The following CECR2 variants were observed in gnomAD, a reference collection of about 807,000 sequenced individuals.
The protein encoded by CECR2 is CECR2 histone acetyl-lysine reader.
A neutral mutation model predicts 154.5 loss-of-function variants in CECR2; 30 were observed. That is an observed-to-expected ratio of 0.19 (90% CI 0.15 to 0.26). The LOEUF is 0.26. CECR2 is among the 10% of genes least tolerant of loss of function. CECR2 has a pLI of 1.00. For missense variants in CECR2, 1,743 were observed against 1,829.3 expected (o/e 0.95, Z 0.86); for synonymous variants, 725 against 683.7 (o/e 1.06, Z -0.94).
chr22:17,481,342 C>CAAAAAA (rs10714119), intron 2 of CECR2, among the ~76,000 whole-genome samples: 10 of 73,778 alleles, frequency 1.4e-4, no homozygotes, highest in African/African-American at 5.2e-4. Context: ...GACTCTGTCT[C>CAAAAAA]AAAAAAAAAA....
chr22:17,539,260 C>T (rs764794287), intron 13 of CECR2, 141 bp downstream of exon 13: 59 of 891,452 alleles, frequency 6.6e-5, no homozygotes, highest in Admixed American at 1.2e-4. Flanking sequence ...ATTGACCATT[C>T]CAGCCACTTA....
At chr22:17,422,722 T>G (rs188476954) in intron 1 of CECR2, among the ~76,000 whole-genome samples, 18 of 152,158 alleles carry the variant, frequency 1.2e-4, no homozygotes, top group African/African-American at 4.3e-4. Flanking sequence ...TTTTTTCCCT[T>G]TGGTTTTCAG....
chr22:17,545,945 G>A (rs934255755), intron 16 of CECR2, among the ~76,000 whole-genome samples: 1 of 151,614 alleles, frequency 6.6e-6, no homozygotes, highest in Non-Finnish European at 1.5e-5. Context: ...GCAACTACTT[G>A]GGAGTCTGAA....
Position 17,558,048 on chromosome 22 carries a change from T to G in CECR2, c.*5208T>G, listed in dbSNP as rs2056794230. On this transcript the variant is annotated 3_prime_UTR_variant, in exon 19 of 19. Coordinates refer to ENST00000262608, the MANE Select transcript of CECR2 (RefSeq NM_001290047.2). ...AGTTCAATATTGTGTGTTGGATAAT[T>G]TTTTAAAAGAACTTTTTAAAAAGCT... 6.6e-6 allele frequency: 1 copy of G among 152,252 alleles called. No homozygotes were observed. Among genetic ancestry groups the G allele is most frequent in the Non-Finnish European group, 1.5e-5 (1 of 68,044 alleles). The allele number at this position is 152,252 out of a possible 1,614,324, so 9.4% of individuals were successfully genotyped here.
intron 1 of CECR2, among the ~76,000 whole-genome samples, chr22:17,398,965 C>G (rs1332927903): frequency 6.6e-6 from 1 of 152,194 alleles, no homozygotes; most frequent in African/African-American, 2.4e-5. Flanking sequence ...CTGAGGTCCT[C>G]AGACCAGCAT....
At chr22:17,475,204 C>T (rs200372690) in intron 1 of CECR2, among the ~76,000 whole-genome samples, 4 of 152,082 alleles carry the variant, frequency 2.6e-5, no homozygotes, top group Non-Finnish European at 4.4e-5. Flanking sequence ...AGCAGAGGGA[C>T]GGGATTTCCA....
intron 9 of CECR2, among the ~76,000 whole-genome samples, chr22:17,530,091 G>T (rs538508016): frequency 4.1e-4 from 62 of 152,062 alleles, no homozygotes; most frequent in African/African-American, 1.5e-3. Context: ...CCTGTAAATA[G>T]TTCCTCTGTC....
At position 17,557,647 on chromosome 22, in the gene CECR2, T is replaced by C. The variant is rs1026953715; in HGVS notation, c.*4807T>C. The C allele has an allele frequency of 3.5e-5, 5 of 141,136 alleles. No individual in the cohort carries two copies. The highest frequency in any genetic ancestry group is 1.3e-4 in the African/African-American group (5 of 38,224). The allele number at this position is 141,136 out of a possible 1,614,324, so 8.7% of individuals were successfully genotyped here. A position where few individuals can be genotyped will look rare whatever the true frequency, so the allele number is the denominator to read the frequency against. The stretch of plus-strand genomic sequence containing the variant: ...CGGCTGACGAGCAGTTGATTGTCCT[T>C]GCTTGTGTTGTTGACAGGGGTGGGT... On this transcript the variant is annotated 3_prime_UTR_variant, in exon 19 of 19. Coordinates refer to ENST00000262608, the MANE Select transcript of CECR2 (RefSeq NM_001290047.2).
intron 7 of CECR2, among the ~76,000 whole-genome samples, chr22:17,509,830 C>G (rs558557743): frequency 4.5e-4 from 69 of 152,194 alleles, no homozygotes; most frequent in African/African-American, 1.6e-3. Flanking sequence ...AACATAAAGG[C>G]AATAATGGAT....
intron 1 of CECR2, among the ~76,000 whole-genome samples, chr22:17,421,741 C>T (rs1422488555): frequency 6.6e-5 from 10 of 150,794 alleles, no homozygotes; most frequent in Admixed American, 6.6e-4. Context: ...TGCAGTGAGC[C>T]GAGATCCCAC....
intron 1 of CECR2, among the ~76,000 whole-genome samples, chr22:17,471,573 C>T (rs370146057): frequency 9.2e-5 from 14 of 152,242 alleles, no homozygotes; most frequent in Admixed American, 2.6e-4. Flanking sequence ...CTGGCTCTGT[C>T]GCCCAGGTTA....
At chr22:17,539,186 C>G (rs918082735) in intron 13 of CECR2, 67 bp downstream of exon 13, 1 of 1,547,654 alleles carries the variant, frequency 6.5e-7, no homozygotes, top group African/African-American at 1.4e-5. Context: ...TTCTCTTTTA[C>G]AAATACACAT....
At chr22:17,406,482 C>T in intron 1 of CECR2, among the ~76,000 whole-genome samples, 1 of 152,136 alleles carries the variant, frequency 6.6e-6, no homozygotes, top group Non-Finnish European at 1.5e-5. Flanking sequence ...GAGATTATAC[C>T]ACTGCACTCC....
intron 2 of CECR2, among the ~76,000 whole-genome samples, chr22:17,490,836 ACTT>A (rs1377554518): frequency 6.6e-6 from 1 of 152,056 alleles, no homozygotes; most frequent in Non-Finnish European, 1.5e-5. Flanking sequence ...ATTGCAGAAT[ACTT>A]CTATTACCCT....
intron 2 of CECR2, among the ~76,000 whole-genome samples, chr22:17,479,490 T>A (rs2055268189): frequency 2.0e-5 from 3 of 152,176 alleles, no homozygotes. Context: ...TAACAGAGCA[T>A]ACAACCTGGG....
At chr22:17,421,267 C>T (rs1004053474) in intron 1 of CECR2, among the ~76,000 whole-genome samples, 3 of 151,108 alleles carry the variant, frequency 2.0e-5, no homozygotes, top group South Asian at 2.1e-4. Flanking sequence ...GATCACAATT[C>T]GGACCAGCCT....
In CECR2 at chr22:17,542,217, A is replaced by G. The variant is rs2056535547; in HGVS notation, c.2074A>G (p.Met692Val). ...PRLGTPEEKQ[M>V]CGGLTHLSNM... ...GCTAGGCACACCAGAGGAGAAGCAA[A>G]TGTGCGGGGGGCTGACACACCTTTC... The change falls in exon 16 of 19, where the codon ATG becomes GTG. Residue 692 changes from methionine (M) to valine (V), a missense_variant. Coordinates refer to ENST00000262608, the MANE Select transcript of CECR2 (RefSeq NM_001290047.2). 6.2e-7 allele frequency: 1 copy of G among 1,612,442 alleles called. No individual in the cohort carries two copies. Among genetic ancestry groups the G allele is most frequent in the Non-Finnish European group, 8.5e-7 (1 of 1,179,250 alleles).
intron 1 of CECR2, among the ~76,000 whole-genome samples, chr22:17,414,487 A>T (rs1601317253): frequency 2.3e-5 from 3 of 130,246 alleles, no homozygotes; most frequent in Admixed American, 7.6e-5. Flanking sequence ...AAACCCATTT[A>T]TTATATCAGT....
At chr22:17,490,219 A>G (rs867190876) in intron 2 of CECR2, among the ~76,000 whole-genome samples, 3 of 149,796 alleles carry the variant, frequency 2.0e-5, no homozygotes, top group South Asian at 2.1e-4. Context: ...TTGTGGATCT[A>G]TTTCTCCCAT....
Sources: allele counts gnomAD v4.1 joint callset (sites outside exome capture counted in the v4.1 genomes callset), GRCh38; gene constraint gnomAD v4.1.1; transcripts MANE v1.5; gene names NCBI Gene and HGNC (gene_info 2026-07-23, HGNC 2026-07-21).